Variants in NOM1 observed in about 807,000 individuals in gnomAD.
NOM1 encodes the protein nucleolar MIF4G domain-containing protein 1.
Under a neutral mutation model 73.3 loss-of-function variants are expected in NOM1, and 58 were observed. The ratio of observed to expected loss-of-function variants is 0.79; its 90% confidence interval spans 0.64 to 0.99. The LOEUF is 0.99. Ranked by LOEUF, NOM1 falls within the 50% of genes least tolerant of loss-of-function variation. NOM1 has a pLI of 0.00. For missense variants in NOM1, 1,226 were observed against 1,131.9 expected, an observed-to-expected ratio of 1.08 and a Z score of -1.19; for synonymous variants, 487 against 446.8, an observed-to-expected ratio of 1.09 and a Z score of -1.14.
In NOM1 at chr7:156,969,690, C is replaced by A; in HGVS notation, c.2570C>A (p.Ser857Tyr). 6.2e-7 allele frequency: 1 copy of A among 1,609,592 alleles called. No homozygotes were observed. The highest frequency in any genetic ancestry group is 8.5e-7 in the Non-Finnish European group (1 of 1,177,670). ...ACGAAGTGTCTGCAAGGAAAAGCTT[C>A]CCTGAGAATGTAGTCAGGGAAGGAA... ...LATKCLQGKA[S>Y]LRM Residue 857 changes from serine (S) to tyrosine (Y), a missense_variant, in exon 11 of 11, where the codon TCC becomes TAC. Ser to Tyr is a moderately radical substitution (Grantham distance 144). Coordinates refer to ENST00000275820, the MANE Select transcript of NOM1 (RefSeq NM_138400.2).
Position 156,962,138 on chromosome 7 carries a change from A to G in NOM1, c.1633-13A>G. On this transcript the variant is annotated splice_polypyrimidine_tract_variant and intron_variant, in intron 4 of 10. Coordinates refer to ENST00000275820, the MANE Select transcript of NOM1 (RefSeq NM_138400.2). ...GAAATGATGGACTTTCCATTTTTTC[A>G]TTTTTCTTGAAGATTCGGTTTATGC... The G allele has an allele frequency of 6.2e-7, 1 of 1,606,070 alleles. No individual in the cohort carries two copies. The highest frequency in any genetic ancestry group is 1.1e-5 in the South Asian group (1 of 90,218).
At chr7:156,965,916 AAAAAAG>A (rs10527083) in intron 7 of NOM1, among the ~76,000 whole-genome samples, 107,804 of 151,672 alleles carry the variant, frequency 0.71, 38,584 homozygotes, top group Admixed American at 0.82. Flanking sequence ...TGTCTCAAAA[AAAAAAG>A]TAAGAAAATG....
At position 156,972,809 on chromosome 7, in the gene NOM1, A is replaced by G. The variant is rs1268656991; in HGVS notation, c.*3106A>G. 1 of 152,234 alleles carries G rather than the reference A, an allele frequency of 6.6e-6. No individual in the cohort carries two copies. The highest frequency in any genetic ancestry group is 1.5e-5 in the Non-Finnish European group (1 of 68,058). The allele number at this position is 152,234 out of a possible 1,614,324, so 9.4% of individuals were successfully genotyped here. A position where few individuals can be genotyped will look rare whatever the true frequency, so the allele number is the denominator to read the frequency against. On this transcript the variant is annotated 3_prime_UTR_variant, in exon 11 of 11. Coordinates refer to ENST00000275820, the MANE Select transcript of NOM1 (RefSeq NM_138400.2). ...CGTGCCATTGCACTCCAGCCTGGGA[A>G]CAAGAGTGAAACTCTCAAAAGCAGA...
chr7:156,966,825 G>A lies in NOM1; in HGVS notation c.2167-136G>A, dbSNP rs1010822172. ...ATGCTCTATAGGCAAGAACAGTGAG[G>A]CCACCACTAAAAGTCTTGATGTTTA... On this transcript the variant is annotated intron_variant, in intron 8 of 10. Coordinates refer to ENST00000275820, the MANE Select transcript of NOM1 (RefSeq NM_138400.2). The A allele has an allele frequency of 7.5e-6, 7 of 929,516 alleles. No individual in the cohort carries two copies. The Admixed American group carries it at 1.2e-4, about 15-fold the overall frequency. The allele number at this position is 929,516 out of a possible 1,614,324, so 57.6% of individuals were successfully genotyped here.
intron 3 of NOM1, among the ~76,000 whole-genome samples, chr7:156,957,667 C>T (rs932801959): frequency 3.4e-5 from 5 of 148,280 alleles, no homozygotes; most frequent in Non-Finnish European, 4.4e-5. Flanking sequence ...CCCTGCTACT[C>T]GGGAGGCTGA....
chr7:156,957,027 T>A (rs1007791850), intron 3 of NOM1, among the ~76,000 whole-genome samples: 5 of 152,218 alleles, frequency 3.3e-5, no homozygotes, highest in Admixed American at 1.3e-4. Context: ...AGGAATTTAC[T>A]TGATTGGAAA....
rs773953913 is a variant in NOM1, at chr7:156,963,861, G to A, written c.1912-44G>A. The A allele has an allele frequency of 4.2e-5, 67 of 1,589,524 alleles. 1 individual carries two copies. In the South Asian group the frequency reaches 7.0e-4, roughly 17 times the overall value. ...TTTGGCACCTCTCGGGAGGCAGTTT[G>A]CATGGAGACATGCGTATGACTTGTC... On this transcript the variant is annotated intron_variant, in intron 6 of 10. Coordinates refer to ENST00000275820, the MANE Select transcript of NOM1 (RefSeq NM_138400.2).
chr7:156,966,900 GTGATA>G (rs1192623570), intron 8 of NOM1, 56 bp from the exon 9 acceptor site: 2 of 1,394,300 alleles, frequency 1.4e-6, no homozygotes, highest in Non-Finnish European at 2.0e-6. Flanking sequence ...TATGTTGTTA[GTGATA>G]TATTATAGTA....
At chr7:156,951,560 A>G (rs1400126991) in intron 1 of NOM1, among the ~76,000 whole-genome samples, 1 of 152,172 alleles carries the variant, frequency 6.6e-6, no homozygotes, top group Non-Finnish European at 1.5e-5. Flanking sequence ...GTATGTAAAT[A>G]TTCAGCTTCT....
At chr7:156,963,372 A>G in intron 6 of NOM1, 197 bp downstream of exon 6, 1 of 642,142 alleles carries the variant, frequency 1.6e-6, no homozygotes, top group Non-Finnish European at 2.7e-6. Context: ...GTATCTTTTT[A>G]TTGGACTTTA....
At chr7:156,953,110 A>T (rs541955086) in intron 2 of NOM1, among the ~76,000 whole-genome samples, 1 of 148,112 alleles carries the variant, frequency 6.8e-6, no homozygotes, top group Non-Finnish European at 1.5e-5. Context: ...GATTCTGTGT[A>T]GGTTTTTTTG....
At chr7:156,968,652 G>C (rs969619046) in intron 9 of NOM1, 3 of 131,784 alleles carry the variant, frequency 2.3e-5, no homozygotes, top group Non-Finnish European at 3.3e-5. Flanking sequence ...TTCTAGGGCA[G>C]AGATATATAT....
intron 7 of NOM1, 48 bp from the exon 8 acceptor site, chr7:156,966,222 A>G (rs1804991817): frequency 6.2e-7 from 1 of 1,606,570 alleles, no homozygotes; most frequent in African/African-American, 1.3e-5. Context: ...CAGCCATTAA[A>G]CTTTGGAAGT....
rs1804558849 is a variant in NOM1 at position 156,950,426 on chromosome 7, G to A, written c.689G>A (p.Gly230Asp). The change falls in exon 1 of 11, where the codon GGC becomes GAC. Residue 230 changes from glycine (G) to aspartate (D), a missense_variant. Coordinates refer to ENST00000275820, the MANE Select transcript of NOM1 (RefSeq NM_138400.2). ...LGALESGKNS[G>D]LYDSSGEEEE... ...GCCCTGGAGTCTGGGAAAAATAGCG[G>A]CTTGTACGACAGCAGTGGTGAGGAG... The A allele has an allele frequency of 2.5e-6, 4 of 1,614,220 alleles. No homozygotes were observed. Among genetic ancestry groups the A allele is most frequent in the East Asian group, 4.5e-5 (2 of 44,884 alleles).
At chr7:156,954,946 G>C (rs932408900) in intron 3 of NOM1, among the ~76,000 whole-genome samples, 39 of 152,188 alleles carry the variant, frequency 2.6e-4, no homozygotes, top group African/African-American at 9.2e-4. Context: ...GGTTGGTGTG[G>C]TCTCACTACT....
In NOM1 at chr7:156,963,151, C is replaced by G. The variant is rs1429718400; in HGVS notation, c.1887C>G (p.His629Gln). The change falls in exon 6 of 11, where the codon CAC becomes CAG. Residue 629 changes from histidine (H) to glutamine (Q), a missense_variant. Transcript: ENST00000275820. Reference sequence around the variant, plus strand: ...TGATCGACAACAGTCACCATACGCACCTGCAGAAGCAGCTTGTGGGGACGG... The same window carrying G: ...TGATCGACAACAGTCACCATACGCAGCTGCAGAAGCAGCTTGTGGGGACGG... ...APMIDNSHHTHLQKQLVGTVS... is the reference protein window; with the variant it reads ...APMIDNSHHTQLQKQLVGTVS... 2.5e-6 allele frequency: 4 copies of G among 1,614,124 alleles called. No individual in the cohort carries two copies. The highest frequency in any genetic ancestry group is 1.7e-5 in the Admixed American group (1 of 60,014).
intron 9 of NOM1, among the ~76,000 whole-genome samples, chr7:156,968,344 G>A (rs79110257): frequency 0.016 from 2,433 of 152,136 alleles, 61 homozygotes; most frequent in African/African-American, 0.054. Context: ...CTGCCCCTCC[G>A]GGCTGCTCTC....
intron 3 of NOM1, among the ~76,000 whole-genome samples, chr7:156,954,519 A>ATTT (rs1804671935): frequency 3.1e-5 from 3 of 97,082 alleles, no homozygotes; most frequent in African/African-American, 1.2e-4. Context: ...TGTTCTGTCC[A>ATTT]TTCTTTTTTT....
chr7:156,961,176 C>T (rs1034533890), intron 4 of NOM1, among the ~76,000 whole-genome samples: 1 of 152,086 alleles, frequency 6.6e-6, no homozygotes, highest in East Asian at 1.9e-4. Context: ...GCACTGACGT[C>T]TAGCTGCAGG....
Sources: gnomAD v4.1 joint callset for allele counts (sites outside exome capture counted in the v4.1 genomes callset) on GRCh38, gnomAD v4.1.1 for gene constraint, MANE v1.5 for transcripts, NCBI Gene and HGNC (gene_info 2026-07-23, HGNC 2026-07-21) for gene names.